CPNE4: variants seen among roughly 807,000 people sequenced by gnomAD.
The protein encoded by CPNE4 is copine 4.
A neutral mutation model predicts 67.9 loss-of-function variants in CPNE4; 25 were observed. That is an observed-to-expected ratio of 0.37 (90% CI 0.27 to 0.51). The LOEUF is 0.51. Among genes scored for constraint, CPNE4 ranks in the 20% least tolerant of loss-of-function variants. CPNE4 has a pLI of 0.93. For missense variants in CPNE4, 464 were observed against 690.8 expected, an observed-to-expected ratio of 0.67 and a Z score of 3.68; for synonymous variants, 242 against 244.9, an observed-to-expected ratio of 0.99 and a Z score of 0.11.
chr3:131,721,560 T>C (rs2081888789), intron 3 of CPNE4, among the ~76,000 whole-genome samples: 2 of 152,114 alleles, frequency 1.3e-5, no homozygotes, highest in South Asian at 4.2e-4. Context: ...CACACCCGGC[T>C]ATTTTTTTGT....
In CPNE4 at chr3:131,720,284, G is replaced by GTT. The variant is rs60028328; in HGVS notation, c.360+3160_360+3161dup. 1.5e-3 allele frequency among the ~76,000 whole-genome samples: 166 copies of GTT among 107,942 alleles called. 1 individual carries two copies. Among genetic ancestry groups the GTT allele is most frequent in the African/African-American group, 4.9e-3 (148 of 30,292 alleles). The allele number at this position is 107,942 out of a possible 152,430, so 70.8% of individuals were successfully genotyped here. The stretch of plus-strand genomic sequence containing the variant: ...GTTCCCACCTTAGGAACAGGAATGG[G>GTT]TTTTTTTTTTTTTTTTTTTTGAGAC... On this transcript the variant is annotated intron_variant, in intron 3 of 15. Transcript: ENST00000429747.
intron 2 of CPNE4, among the ~76,000 whole-genome samples, chr3:131,894,804 G>A (rs1340348891): frequency 6.6e-6 from 1 of 151,902 alleles, no homozygotes; most frequent in East Asian, 1.9e-4. Flanking sequence ...ATAGTATGAA[G>A]TTTCTCAAAA....
At chr3:131,914,152 T>C (rs942027081) in intron 1 of CPNE4, among the ~76,000 whole-genome samples, 1 of 152,104 alleles carries the variant, frequency 6.6e-6, no homozygotes, top group Admixed American at 6.6e-5. Flanking sequence ...AGGCAAGAAA[T>C]TGCATCCTAG....
At chr3:131,666,091 G>T (rs1186570052) in intron 7 of CPNE4, among the ~76,000 whole-genome samples, 1 of 152,058 alleles carries the variant, frequency 6.6e-6, no homozygotes, top group East Asian at 1.9e-4. Flanking sequence ...ACGGAAGTGG[G>T]TATGGCTAGC....
At chr3:131,982,447 A>G (rs1276658460) in intron 1 of CPNE4, among the ~76,000 whole-genome samples, 3 of 152,230 alleles carry the variant, frequency 2.0e-5, no homozygotes, top group African/African-American at 7.2e-5. Flanking sequence ...GCAAAAATGA[A>G]GTGCTAGACT....
rs548101525 is a variant in CPNE4, at chr3:131,755,861, C to T, written c.181-32236G>A. Among the ~76,000 whole-genome samples, 9 of 152,276 alleles carry T rather than the reference C, an allele frequency of 5.9e-5. No homozygotes were observed. In the South Asian group the frequency reaches 1.9e-3, roughly 32 times the overall value. ...GGTTGCTAGTATTTTGAAGCATTTT[C>T]CAGATGCACTCTGCAACAATTTCAA... On this transcript the variant is annotated intron_variant, in intron 2 of 15. Transcript: ENST00000429747.
chr3:131,920,192 G>T (rs1052433567), intron 1 of CPNE4, among the ~76,000 whole-genome samples: 3 of 152,240 alleles, frequency 2.0e-5, no homozygotes, highest in Admixed American at 2.0e-4. Flanking sequence ...CTATTCTCCA[G>T]ACACTGTAAA....
At chr3:131,751,323 T>C (rs2082618958) in intron 2 of CPNE4, among the ~76,000 whole-genome samples, 1 of 152,106 alleles carries the variant, frequency 6.6e-6, no homozygotes, top group Non-Finnish European at 1.5e-5. Context: ...TGAAGTGTTA[T>C]TCATTGTTTT....
chr3:131,911,218 T>C (rs1370329113), intron 1 of CPNE4, among the ~76,000 whole-genome samples: 2 of 152,052 alleles, frequency 1.3e-5, no homozygotes, highest in Admixed American at 6.6e-5. Flanking sequence ...GAACTGAGGG[T>C]AACATTCATC....
intron 3 of CPNE4, among the ~76,000 whole-genome samples, chr3:131,708,631 G>C (rs2081473248): frequency 6.6e-6 from 1 of 152,032 alleles, no homozygotes; most frequent in African/African-American, 2.4e-5. Context: ...AGGCCAAGGG[G>C]GAGCTGAGGG....
At chr3:131,756,505 T>C (rs1438758364) in intron 2 of CPNE4, among the ~76,000 whole-genome samples, 1 of 152,174 alleles carries the variant, frequency 6.6e-6, no homozygotes, top group Non-Finnish European at 1.5e-5. Flanking sequence ...AAAGGTACAT[T>C]GCATTATCAT....
At chr3:131,925,188 G>T (rs1056096231) in intron 1 of CPNE4, among the ~76,000 whole-genome samples, 4 of 143,878 alleles carry the variant, frequency 2.8e-5, no homozygotes, top group Non-Finnish European at 6.1e-5. Context: ...TCATAATTTT[G>T]TACTTTCCTT....
rs78626487 is a variant in CPNE4 at position 131,998,053 on chromosome 3, G to T, written c.-2+36514C>A. Among the ~76,000 whole-genome samples the T allele has an allele frequency of 3.8e-4, 58 of 152,206 alleles. No homozygotes were observed. The East Asian group carries it at 0.01, about 27-fold the overall frequency. On this transcript the variant is annotated intron_variant, in intron 1 of 15. Coordinates refer to ENST00000429747, the MANE Select transcript of CPNE4 (RefSeq NM_130808.3). ...TTAAGTTTCCAACACATGAACTTTG[G>T]GGGACAGATTCAAACCATAGCATTT...
intron 2 of CPNE4, among the ~76,000 whole-genome samples, chr3:131,850,999 A>C (rs1362947132): frequency 6.6e-6 from 1 of 152,112 alleles, no homozygotes; most frequent in Non-Finnish European, 1.5e-5. Flanking sequence ...ACTTGTGTAC[A>C]AGACAACATA....
chr3:131,782,093 AT>A (rs1364492969), intron 2 of CPNE4, among the ~76,000 whole-genome samples: 2 of 152,044 alleles, frequency 1.3e-5, no homozygotes, highest in Non-Finnish European at 2.9e-5. Context: ...CTACTTTTAT[AT>A]TTCTGCCTTT....
intron 6 of CPNE4, among the ~76,000 whole-genome samples, chr3:131,671,458 CATGTGT>C (rs1324220446): frequency 7.6e-4 from 96 of 125,682 alleles, no homozygotes; most frequent in Non-Finnish European, 1.2e-3. Context: ...TGAGTGTACA[CATGTGT>C]GTGTGTGTGT....
intron 7 of CPNE4, among the ~76,000 whole-genome samples, chr3:131,647,683 C>G (rs2079699365): frequency 6.6e-6 from 1 of 152,108 alleles, no homozygotes; most frequent in South Asian, 2.1e-4. Flanking sequence ...GATCTTGAGG[C>G]TCTCTGAGTA....
intron 2 of CPNE4, among the ~76,000 whole-genome samples, chr3:131,804,765 C>T (rs1392644606): frequency 1.3e-5 from 2 of 152,176 alleles, no homozygotes; most frequent in Non-Finnish European, 2.9e-5. Flanking sequence ...TATTCCACTG[C>T]CATGTGACTA....
intron 6 of CPNE4, among the ~76,000 whole-genome samples, chr3:131,672,561 TG>T (rs1254920927): frequency 9.9e-5 from 15 of 152,156 alleles, no homozygotes; most frequent in Non-Finnish European, 2.1e-4. Context: ...ATTGCAGTTT[TG>T]TTTTGCATAT....
Sources: allele counts gnomAD v4.1 joint callset (sites outside exome capture counted in the v4.1 genomes callset), GRCh38; gene constraint gnomAD v4.1.1; transcripts MANE v1.5; gene names NCBI Gene and HGNC (gene_info 2026-07-23, HGNC 2026-07-21).